The following LPP variants were observed in gnomAD, a reference collection of about 807,000 sequenced individuals.
LPP encodes lipoma-preferred partner.
In LPP, 38 loss-of-function variants were observed where a neutral mutation model predicts 60.4. The ratio of observed to expected loss-of-function variants is 0.63; its 90% CI spans 0.49 to 0.83. The LOEUF is 0.83. LPP is among the 40% of genes least tolerant of loss of function. The pLI is 0.00. For synonymous variants in LPP, 328 were observed against 290.8 expected (o/e 1.13, Z -1.30); for missense variants, 902 against 783.6 (o/e 1.15, Z -1.80).
intron 7 of LPP, among the ~76,000 whole-genome samples, chr3:188,703,335 G>A (rs1577101480): frequency 6.6e-6 from 1 of 152,288 alleles, no homozygotes; most frequent in East Asian, 1.9e-4. Context: ...TTTTTCTTAG[G>A]AGGTATTGAG....
At chr3:188,753,972 T>C (rs1729206311) in intron 8 of LPP, among the ~76,000 whole-genome samples, 3 of 152,318 alleles carry the variant, frequency 2.0e-5, no homozygotes, top group South Asian at 2.1e-4. Context: ...AAAACTCTTG[T>C]ATTCACAGAG....
intron 2 of LPP, among the ~76,000 whole-genome samples, chr3:188,273,589 CT>C (rs11380757): frequency 3.7e-5 from 3 of 80,438 alleles, no homozygotes; most frequent in African/African-American, 1.4e-4. Context: ...TATTTTATAT[CT>C]TTTTTTTTTT....
rs1281240496 is a variant in LPP, at chr3:188,484,612, C to T, written c.214C>T (p.Pro72Ser). The stretch of plus-strand genomic sequence containing the variant: ...TGTAGGTGATTTTCTTCCACCCCCA[C>T]CTCCACCTCTAGATGATTCCAGTGC... Reference protein sequence around the residue: ...GGEGDFLPPPPPPLDDSSALP... With the variant: ...GGEGDFLPPPSPPLDDSSALP... Residue 72 changes from proline (P) to serine (S), a missense_variant, in exon 5 of 12, where the codon CCT (proline) becomes TCT (serine). Coordinates refer to ENST00000617246, the MANE Select transcript of LPP (RefSeq NM_001375462.1). The T allele has an allele frequency of 1.2e-6, 2 of 1,613,492 alleles. No individual in the cohort carries two copies. The highest frequency in any genetic ancestry group is 1.7e-6 in the Non-Finnish European group (2 of 1,179,648).
chr3:188,275,669 G>T (rs1739380468), intron 2 of LPP, among the ~76,000 whole-genome samples: 2 of 140,938 alleles, frequency 1.4e-5, no homozygotes, highest in Admixed American at 1.4e-4. Flanking sequence ...TTGAGCACCT[G>T]CTGTATTCCA....
chr3:188,777,598 T>C (rs1738242541), intron 9 of LPP, among the ~76,000 whole-genome samples: 1 of 152,318 alleles, frequency 6.6e-6, no homozygotes, highest in South Asian at 2.1e-4. Flanking sequence ...GCTGTTTATC[T>C]AAGCATGTCA....
intron 2 of LPP, among the ~76,000 whole-genome samples, chr3:188,239,153 T>C (rs1722942214): frequency 6.6e-6 from 1 of 152,234 alleles, no homozygotes; most frequent in South Asian, 2.1e-4. Flanking sequence ...TTTCCCTCCA[T>C]GGCAGAGGGC....
At chr3:188,522,705 G>A (rs534312736) in intron 5 of LPP, among the ~76,000 whole-genome samples, 10 of 150,436 alleles carry the variant, frequency 6.6e-5, no homozygotes, top group South Asian at 2.1e-4. Flanking sequence ...ATAACATGAC[G>A]TGATGTAGAG....
chr3:188,753,396 G>T (rs12486509), intron 8 of LPP, among the ~76,000 whole-genome samples: 72,087 of 151,916 alleles, frequency 0.47, 17,738 homozygotes, highest in East Asian at 0.83. Flanking sequence ...TCACCTGAAG[G>T]TCTAAGCTAA....
At chr3:188,502,297 G>A (rs1402938267) in intron 5 of LPP, among the ~76,000 whole-genome samples, 1 of 152,034 alleles carries the variant, frequency 6.6e-6, no homozygotes, top group East Asian at 1.9e-4. Flanking sequence ...TCTTTTATTA[G>A]GTGTGTATAC....
chr3:188,197,790 T>G (rs556608503), intron 1 of LPP, among the ~76,000 whole-genome samples: 15 of 152,280 alleles, frequency 9.9e-5, no homozygotes, highest in African/African-American at 3.4e-4. Context: ...TATCATCCTG[T>G]GATACCCAGA....
At chr3:188,633,506 TAAGA>T (rs1848200446) in intron 7 of LPP, among the ~76,000 whole-genome samples, 1 of 152,160 alleles carries the variant, frequency 6.6e-6, no homozygotes, top group East Asian at 1.9e-4. Context: ...GGAGTAACAA[TAAGA>T]AAGACTATAC....
intron 7 of LPP, among the ~76,000 whole-genome samples, chr3:188,659,659 A>G (rs1278086446): frequency 6.6e-6 from 1 of 152,146 alleles, no homozygotes; most frequent in South Asian, 2.1e-4. Context: ...CTCCCCACGG[A>G]TTGCTACAAA....
intron 4 of LPP, among the ~76,000 whole-genome samples, chr3:188,481,700 C>T (rs1398838516): frequency 6.6e-6 from 1 of 152,122 alleles, no homozygotes; most frequent in African/African-American, 2.4e-5. Context: ...TTTTGTGGGT[C>T]TAAAGTAGGA....
chr3:188,770,125 T>G (rs1735387074), intron 9 of LPP, among the ~76,000 whole-genome samples: 1 of 150,060 alleles, frequency 6.7e-6, no homozygotes, highest in South Asian at 2.1e-4. Flanking sequence ...AGAAAGAAAA[T>G]AGGAAAGGAG....
At chr3:188,858,578 A>G (rs183476337) in intron 9 of LPP, among the ~76,000 whole-genome samples, 5 of 152,306 alleles carry the variant, frequency 3.3e-5, no homozygotes, top group Non-Finnish European at 7.4e-5. Flanking sequence ...TTTGTGAAGA[A>G]TGTGATTTTT....
intron 8 of LPP, among the ~76,000 whole-genome samples, chr3:188,747,077 T>C (rs531972390): frequency 6.6e-6 from 1 of 152,102 alleles, no homozygotes; most frequent in African/African-American, 2.4e-5. Flanking sequence ...TAAAAGGGAG[T>C]CACAGAGAGA....
chr3:188,174,926 T>C (rs1722637426), intron 1 of LPP, among the ~76,000 whole-genome samples: 1 of 152,112 alleles, frequency 6.6e-6, no homozygotes, highest in African/African-American at 2.4e-5. Context: ...TTACCTTCTC[T>C]TGTAGTTATC....
At chr3:188,260,729 G>A (rs1733299819) in intron 2 of LPP, among the ~76,000 whole-genome samples, 1 of 152,000 alleles carries the variant, frequency 6.6e-6, no homozygotes, top group Non-Finnish European at 1.5e-5. Flanking sequence ...AGGAACCGAA[G>A]TTTAAAAAGA....
At chr3:188,786,291 G>A (rs1407419966) in intron 9 of LPP, among the ~76,000 whole-genome samples, 2 of 149,266 alleles carry the variant, frequency 1.3e-5, no homozygotes, top group Non-Finnish European at 3.0e-5. Context: ...GCTGAGGCAG[G>A]AGCATTGTTT....
Sources: gnomAD v4.1 joint callset for allele counts (sites outside exome capture counted in the v4.1 genomes callset) on GRCh38, gnomAD v4.1.1 for gene constraint, MANE v1.5 for transcripts, NCBI Gene and HGNC (gene_info 2026-07-23, HGNC 2026-07-21) for gene names.